PARD3B: variants seen among roughly 807,000 people sequenced by gnomAD.
The protein encoded by PARD3B is partitioning defective 3 homolog B.
In PARD3B, 103 loss-of-function variants were observed where a neutral mutation model predicts 130.2. The observed-to-expected ratio is 0.79, with a 90% confidence interval of 0.67 to 0.93. The LOEUF is 0.93. Among genes scored for constraint, PARD3B ranks in the 40% least tolerant of loss-of-function variants. PARD3B has a pLI of 0.00. For synonymous variants in PARD3B, 583 were observed against 553.2 expected (o/e 1.05, Z -0.76); for missense variants, 1,609 against 1,499.2 (o/e 1.07, Z -1.21).
chr2:205,561,694 C>T (rs1179670950), intron 22 of PARD3B, among the ~76,000 whole-genome samples: 3 of 152,144 alleles, frequency 2.0e-5, no homozygotes, highest in Non-Finnish European at 4.4e-5. Context: ...CAACCCTATC[C>T]GAAGAACCTT....
chr2:204,936,369 AAAGGT>A (rs1688458739), intron 2 of PARD3B, among the ~76,000 whole-genome samples: 1 of 152,182 alleles, frequency 6.6e-6, no homozygotes. Context: ...ATAAATTGAC[AAAGGT>A]AAAATATTGT....
chr2:205,456,355 G>A (rs913928716), intron 20 of PARD3B, among the ~76,000 whole-genome samples: 1 of 152,036 alleles, frequency 6.6e-6, no homozygotes, highest in Non-Finnish European at 1.5e-5. Context: ...AACATATGTT[G>A]TATGTCTTCC....
chr2:205,125,228 T>C lies in PARD3B; in HGVS notation c.1306-381T>C, dbSNP rs961064108. 1.3e-5 allele frequency among the ~76,000 whole-genome samples: 2 copies of C among 152,238 alleles called. No homozygotes were observed. Among genetic ancestry groups the C allele is most frequent in the Admixed American group, 1.3e-4 (2 of 15,292 alleles). On this transcript the variant is annotated intron_variant, in intron 9 of 22. Transcript: ENST00000406610. The surrounding 1 kb of genome is among the most constrained non-coding windows in gnomAD (Gnocchi z 4.0). ...AGGATTCTATTGCTAGGTTCGTATT[T>C]GCAGAGAAATTTGCCTTGTGATCAT...
intron 2 of PARD3B, among the ~76,000 whole-genome samples, chr2:204,778,276 C>G (rs2125446756): frequency 2.0e-5 from 3 of 151,782 alleles, no homozygotes; most frequent in Middle Eastern, 6.9e-3. Flanking sequence ...ATTTAGTCTG[C>G]TGATAATTGA....
intron 19 of PARD3B, among the ~76,000 whole-genome samples, chr2:205,412,304 G>T (rs1166928576): frequency 1.3e-5 from 2 of 152,130 alleles, no homozygotes; most frequent in African/African-American, 2.4e-5. Context: ...AGTGGTTTGG[G>T]CTGTGCACAG....
At chr2:205,006,747 T>TC (rs1695296695) in intron 3 of PARD3B, among the ~76,000 whole-genome samples, 1 of 152,232 alleles carries the variant, frequency 6.6e-6, no homozygotes, top group African/African-American at 2.4e-5. Flanking sequence ...GAATATTTTC[T>TC]CCAACTCCAT....
intron 4 of PARD3B, among the ~76,000 whole-genome samples, chr2:205,050,163 A>C (rs1172295923): frequency 6.7e-6 from 1 of 148,458 alleles, no homozygotes; most frequent in East Asian, 1.9e-4. Flanking sequence ...TAACCAGCTA[A>C]TTAATTATTA....
At chr2:204,720,564 G>C (rs2038946812) in intron 2 of PARD3B, among the ~76,000 whole-genome samples, 1 of 152,044 alleles carries the variant, frequency 6.6e-6, no homozygotes, top group Non-Finnish European at 1.5e-5. Context: ...GAAAAAGAAA[G>C]GATAAATTGA....
At chr2:205,279,612 C>T (rs1559616672) in intron 16 of PARD3B, among the ~76,000 whole-genome samples, 1 of 152,102 alleles carries the variant, frequency 6.6e-6, no homozygotes, top group African/African-American at 2.4e-5. Flanking sequence ...ACCTTAGAAT[C>T]GCCTCTGTGC....
In PARD3B at chr2:205,619,548, C is replaced by T. The variant is rs1247771951; in HGVS notation, c.*3735C>T. ...CTCAGAAACAGCCACAGAAGTATTT[C>T]TCAGCACTCCCAGTTCCTGCCAACT... On this transcript the variant is annotated 3_prime_UTR_variant, in exon 23 of 23. Coordinates refer to ENST00000406610, the MANE Select transcript of PARD3B (RefSeq NM_001302769.2). 1 of 152,190 alleles carries T rather than the reference C, an allele frequency of 6.6e-6. No homozygotes were observed. The highest frequency in any genetic ancestry group is 2.4e-5 in the African/African-American group (1 of 41,438). The allele number at this position is 152,190 out of a possible 1,614,324, so 9.4% of individuals were successfully genotyped here.
In PARD3B at chr2:204,919,143, C is replaced by T. The variant is rs571135824; in HGVS notation, c.223-46009C>T. ...CTGTTTCTGTAACCATCTTTCAAGG[C>T]GTCTTATTTTTTTATGCATTTCCAA... On this transcript the variant is annotated intron_variant, in intron 2 of 22. Coordinates refer to ENST00000406610, the MANE Select transcript of PARD3B (RefSeq NM_001302769.2). Among the ~76,000 whole-genome samples, 20 of 152,182 alleles carry T rather than the reference C, an allele frequency of 1.3e-4. No individual in the cohort carries two copies. In the South Asian group the frequency reaches 3.9e-3, roughly 30 times the overall value.
intron 3 of PARD3B, among the ~76,000 whole-genome samples, chr2:205,013,669 GCAAAAAAT>G (rs1695900133): frequency 6.6e-6 from 1 of 152,140 alleles, no homozygotes. Context: ...AGAAACAAAA[GCAAAAAAT>G]CAGTATCGAC....
At chr2:205,163,996 T>C (rs1320811811) in intron 11 of PARD3B, among the ~76,000 whole-genome samples, 2 of 152,204 alleles carry the variant, frequency 1.3e-5, no homozygotes, top group Admixed American at 6.5e-5. Flanking sequence ...CAAAATGCTA[T>C]TGAAACTCCT....
chr2:204,649,588 T>G (rs552386503), intron 1 of PARD3B, among the ~76,000 whole-genome samples: 5 of 151,396 alleles, frequency 3.3e-5, no homozygotes, highest in Admixed American at 1.3e-4. Flanking sequence ...TGGAACAGAA[T>G]AGAGAGCCCA....
At chr2:205,365,833 T>C (rs1474578720) in intron 18 of PARD3B, among the ~76,000 whole-genome samples, 1 of 152,174 alleles carries the variant, frequency 6.6e-6, no homozygotes, top group Admixed American at 6.5e-5. Context: ...ATTAATAAAC[T>C]CTGTTGAAGA....
At chr2:205,223,898 C>T (rs1559558442) in intron 15 of PARD3B, among the ~76,000 whole-genome samples, 1 of 152,040 alleles carries the variant, frequency 6.6e-6, no homozygotes, top group South Asian at 2.1e-4. Context: ...TCCATCACAT[C>T]AAGCATTTAT....
chr2:205,380,375 A>G (rs575728498), intron 18 of PARD3B, among the ~76,000 whole-genome samples: 411 of 34,700 alleles, frequency 0.012, 14 homozygotes, highest in African/African-American at 0.048. Flanking sequence ...AATATATATT[A>G]TATATAATAT....
At chr2:204,919,319 T>C (rs554139426) in intron 2 of PARD3B, among the ~76,000 whole-genome samples, 2 of 152,310 alleles carry the variant, frequency 1.3e-5, no homozygotes, top group Admixed American at 1.3e-4. Flanking sequence ...GTTTTGACAA[T>C]GTATGTATCT....
At chr2:205,173,010 C>G (rs1379501278) in intron 12 of PARD3B, among the ~76,000 whole-genome samples, 2 of 151,556 alleles carry the variant, frequency 1.3e-5, no homozygotes, top group Non-Finnish European at 2.9e-5. Context: ...ATAAAAATAC[C>G]TAAAACATTA....
Sources: gnomAD v4.1 joint callset for allele counts (sites outside exome capture counted in the v4.1 genomes callset) on GRCh38, gnomAD v4.1.1 for gene constraint, Gnocchi (gnomAD v3.1) non-coding constraint, MANE v1.5 for transcripts, NCBI Gene and HGNC (gene_info 2026-07-23, HGNC 2026-07-21) for gene names.